The following SMG1 variants were observed in gnomAD, a reference collection of about 807,000 sequenced individuals.
SMG1 encodes SMG1 nonsense mediated mRNA decay associated PI3K related kinase.
SMG1 carries 22 observed loss-of-function variants against 419.9 expected under a neutral mutation model. The observed-to-expected ratio is 0.05, with a 90% confidence interval of 0.04 to 0.07. The LOEUF is 0.07. SMG1 is among the 10% of genes least tolerant of loss of function. The pLI, the probability that SMG1 is intolerant of heterozygous loss-of-function variation, is 1.00. For missense variants in SMG1, 3,185 were observed against 4,342.0 expected (o/e 0.73, Z 7.49); for synonymous variants, 1,538 against 1,553.5 (o/e 0.99, Z 0.23).
Position 18,832,917 on chromosome 16 carries a change from C to T in SMG1, c.8792+23G>A, listed in dbSNP as rs555033715. ...CTGTCCCATCTCTTTTACAAGGAAA[C>T]GGCACAGCCAGCATTCACTTGCCTG... On this transcript the variant is annotated intron_variant, in intron 51 of 62. Coordinates refer to ENST00000446231, the MANE Select transcript of SMG1 (RefSeq NM_015092.5). 17 of 1,586,702 alleles carry T rather than the reference C, an allele frequency of 1.1e-5. No individual in the cohort carries two copies. The East Asian group carries it at 1.3e-4, about 13-fold the overall frequency.
At chr16:18,886,485 T>A (rs540449784) in intron 6 of SMG1, among the ~76,000 whole-genome samples, 1 of 148,112 alleles carries the variant, frequency 6.8e-6, no homozygotes, top group East Asian at 1.9e-4. Context: ...AGCAATCTTA[T>A]AAAAGAAATG....
chr16:18,836,386 T>C lies in SMG1; in HGVS notation c.7751A>G (p.Gln2584Arg), dbSNP rs746863376. 6.2e-7 allele frequency: 1 copy of C among 1,613,830 alleles called. No individual in the cohort carries two copies. The highest frequency in any genetic ancestry group is 1.3e-5 in the African/African-American group (1 of 74,926). The stretch of plus-strand genomic sequence containing the variant: ...AAGGTCCATTTGTGTGCTTATCTCT[T>C]GAAGCAAGCTTGCAAGCTGTGTTGC... Reference protein sequence around the residue: ...LEATQLASLLQEISTQMDLGP... With the variant: ...LEATQLASLLREISTQMDLGP... Residue 2584 changes from glutamine to arginine, a missense_variant, in exon 47 of 63, where the codon CAA becomes CGA. Gln to Arg is a conservative substitution (Grantham distance 43). Around this residue, in one of 27 missense-constraint regions of SMG1, gnomAD observed 412 missense variants for 546.6 expected, o/e 0.75. Transcript: ENST00000446231.
chr16:18,870,735 A>G (rs762340784), intron 17 of SMG1, 24 bp from the exon 18 acceptor site: 479 of 1,583,772 alleles, frequency 3.0e-4, no homozygotes, highest in Non-Finnish European at 4.1e-4. Context: ...AAATAGACAA[A>G]GCAGGTGTGT....
intron 1 of SMG1, among the ~76,000 whole-genome samples, chr16:18,899,641 A>G (rs1334285004): frequency 6.6e-6 from 1 of 152,212 alleles, no homozygotes; most frequent in African/African-American, 2.4e-5. Flanking sequence ...GAAAACTGTT[A>G]AAGAACGGAA....
intron 3 of SMG1, 24 bp from the exon 4 acceptor site, chr16:18,892,378 T>G: frequency 6.5e-7 from 1 of 1,538,264 alleles, no homozygotes; most frequent in Non-Finnish European, 8.8e-7. Context: ...AACATTTTGT[T>G]GTCCATTGAG....
intron 41 of SMG1, among the ~76,000 whole-genome samples, chr16:18,840,673 T>C (rs2033864121): frequency 6.6e-6 from 1 of 152,188 alleles, no homozygotes; most frequent in Non-Finnish European, 1.5e-5. Flanking sequence ...CAAAATAGGA[T>C]GCCATGGTGA....
At chr16:18,855,817 A>G (rs532450174) in intron 29 of SMG1, among the ~76,000 whole-genome samples, 1 of 152,318 alleles carries the variant, frequency 6.6e-6, no homozygotes, top group Admixed American at 6.5e-5. Flanking sequence ...TTGAAGTGAC[A>G]TTACACAAGG....
chr16:18,815,108 T>C (rs1230923146), intron 60 of SMG1, 67 bp downstream of exon 60: 5 of 978,300 alleles, frequency 5.1e-6, no homozygotes, highest in African/African-American at 1.6e-5. Context: ...CAGTTATGTA[T>C]AATTAAACAT....
chr16:18,850,511 GAAAAGGGA>G, intron 33 of SMG1, 44 bp from the exon 34 acceptor site: 1 of 1,350,364 alleles, frequency 7.4e-7, no homozygotes. Context: ...AATACAAACT[GAAAAGGGA>G]AAAAGGTATG....
At chr16:18,911,452 G>A (rs903400889) in intron 1 of SMG1, 3 of 152,098 alleles carry the variant, frequency 2.0e-5, no homozygotes, top group Non-Finnish European at 4.4e-5. Context: ...AGGTTGCAGT[G>A]AGCTGAGATC....
At chr16:18,812,831 CACA>C (rs1213452876) in intron 60 of SMG1, among the ~76,000 whole-genome samples, 2 of 152,110 alleles carry the variant, frequency 1.3e-5, no homozygotes, top group Non-Finnish European at 2.9e-5. Flanking sequence ...TCCCCCCACC[CACA>C]ACAAGCCCCG....
At position 18,837,157 on chromosome 16, in the gene SMG1, T is replaced by A. The variant is rs2033629262; in HGVS notation, c.7604+96A>T. ...GAGACAGCTTTTATCATTTATGTGATTTGTTACAATAATTCTAATCCATAT... is the reference window on the plus strand; with the variant it reads ...GAGACAGCTTTTATCATTTATGTGAATTGTTACAATAATTCTAATCCATAT... On this transcript the variant is annotated intron_variant, in intron 46 of 62. Transcript: ENST00000446231. 4 of 1,154,710 alleles carry A rather than the reference T, an allele frequency of 3.5e-6. No individual in the cohort carries two copies. The South Asian group carries it at 7.4e-5, about 21-fold the overall frequency. The allele number at this position is 1,154,710 out of a possible 1,614,324, so 71.5% of individuals were successfully genotyped here.
rs554029706 is a variant in SMG1 at position 18,875,900 on chromosome 16, A to G, written c.1890+224T>C. On this transcript the variant is annotated intron_variant, in intron 13 of 62. Coordinates refer to ENST00000446231, the MANE Select transcript of SMG1 (RefSeq NM_015092.5). Reference sequence around the variant, plus strand: ...TTTCTAGAAAATAAAACTAATATAAAAAAACTTATCAAGATTTGTCAAGGA... The same window carrying G: ...TTTCTAGAAAATAAAACTAATATAAGAAAACTTATCAAGATTTGTCAAGGA... The G allele has an allele frequency of 2.6e-4, 142 of 556,528 alleles. 1 individual carries two copies. The highest frequency in any genetic ancestry group is 9.9e-4 in the Admixed American group (28 of 28,230). 34.5% of individuals were successfully genotyped at this position (556,528 alleles called of 1,614,324 possible).
chr16:18,881,648 T>A (rs1261783074), intron 10 of SMG1, among the ~76,000 whole-genome samples: 1 of 152,162 alleles, frequency 6.6e-6, no homozygotes. Flanking sequence ...ATGTGCTACA[T>A]ACAGTGCAGC....
chr16:18,864,189 T>TC, intron 23 of SMG1, 45 bp from the exon 24 acceptor site: 1 of 484,964 alleles, frequency 2.1e-6, no homozygotes, highest in Non-Finnish European at 2.6e-6. Flanking sequence ...TCTACTTACT[T>TC]TTTTTTTTTT....
At chr16:18,891,364 ACTTGC>A (rs1567432753) in intron 4 of SMG1, among the ~76,000 whole-genome samples, 2 of 152,060 alleles carry the variant, frequency 1.3e-5, no homozygotes, top group Non-Finnish European at 2.9e-5. Flanking sequence ...AGGAGGAGAA[ACTTGC>A]TTTGATCCAA....
At chr16:18,897,648 G>A (rs1266395092) in intron 1 of SMG1, among the ~76,000 whole-genome samples, 2 of 149,470 alleles carry the variant, frequency 1.3e-5, no homozygotes, top group Non-Finnish European at 1.5e-5. Context: ...AATAATACCT[G>A]ATGCTTATTA....
At chr16:18,860,413 C>T (rs2035153155) in intron 26 of SMG1, among the ~76,000 whole-genome samples, 1 of 152,014 alleles carries the variant, frequency 6.6e-6, no homozygotes, top group Admixed American at 6.6e-5. Context: ...ACTACTTTGT[C>T]CTTTATCAAA....
At chr16:18,814,430 T>C (rs1248205244) in intron 60 of SMG1, among the ~76,000 whole-genome samples, 1 of 148,684 alleles carries the variant, frequency 6.7e-6, no homozygotes, top group Non-Finnish European at 1.5e-5. Flanking sequence ...ATCTGGGGGG[T>C]GGAGGTTACA....
Sources: gnomAD v4.1 joint callset for allele counts (sites outside exome capture counted in the v4.1 genomes callset) on GRCh38, gnomAD v4.1.1 for gene constraint, gnomAD v4.1.1 regional missense constraint, MANE v1.5 for transcripts, NCBI Gene and HGNC (gene_info 2026-07-23, HGNC 2026-07-21) for gene names.